Variants in POLR3B observed in about 807,000 individuals in gnomAD.
POLR3B encodes the protein DNA-directed RNA polymerase III subunit RPC2.
Under a neutral mutation model 147.4 loss-of-function variants are expected in POLR3B, and 96 were observed. That is an observed-to-expected ratio of 0.65 (90% CI 0.55 to 0.77). POLR3B has a LOEUF of 0.77. Among genes scored for constraint, POLR3B ranks in the 30% least tolerant of loss-of-function variants. The pLI, the probability that POLR3B is intolerant of heterozygous loss-of-function variation, is 0.00. For synonymous variants in POLR3B, 461 were observed against 485.9 expected (o/e 0.95, Z 0.67); for missense variants, 1,036 against 1,413.5 (o/e 0.73, Z 4.28).
intron 12 of POLR3B, among the ~76,000 whole-genome samples, chr12:106,416,576 C>T (rs1341292300): frequency 6.6e-6 from 1 of 152,176 alleles, no homozygotes; most frequent in Non-Finnish European, 1.5e-5. Context: ...CAGACCTGAG[C>T]TTCAGATGTA....
intron 9 of POLR3B, among the ~76,000 whole-genome samples, chr12:106,391,406 G>A (rs1593013919): frequency 6.6e-6 from 1 of 152,148 alleles, no homozygotes; most frequent in South Asian, 2.1e-4. Flanking sequence ...TGCACTTGGG[G>A]TGGGGAATTA....
chr12:106,498,386 T>A (rs2038533431), intron 25 of POLR3B, among the ~76,000 whole-genome samples: 1 of 152,150 alleles, frequency 6.6e-6, no homozygotes. Flanking sequence ...GAGAAACAGA[T>A]CTCTGCAATG....
At chr12:106,398,504 G>A (rs560488809) in intron 10 of POLR3B, among the ~76,000 whole-genome samples, 1 of 152,346 alleles carries the variant, frequency 6.6e-6, no homozygotes, top group South Asian at 2.1e-4. Context: ...CCAGCATGCA[G>A]CTTGAGATCT....
In POLR3B at chr12:106,504,295, C is replaced by T. The variant is rs1354965589; in HGVS notation, c.3272+41C>T. The T allele has an allele frequency of 6.6e-7, 1 of 1,524,504 alleles. No homozygotes were observed. The highest frequency in any genetic ancestry group is 1.7e-5 in the Admixed American group (1 of 59,900). The allele number at this position is 1,524,504 out of a possible 1,614,324, so 94.4% of individuals were successfully genotyped here. On this transcript the variant is annotated intron_variant, in intron 27 of 27. Transcript: ENST00000228347. This position sits in a 1 kb window ranked among gnomAD's most constrained non-coding sequence, Gnocchi z 4.6. ...ATGTCTCCCATACCACACCCCTTGC[C>T]TCTTAAATCACAGCTCAAGAATTGA...
chr12:106,461,250 CA>C (rs2037930268), intron 22 of POLR3B, among the ~76,000 whole-genome samples: 1 of 152,042 alleles, frequency 6.6e-6, no homozygotes, highest in Admixed American at 6.6e-5. Context: ...CACACCACCA[CA>C]CTCAGCTAAT....
intron 26 of POLR3B, among the ~76,000 whole-genome samples, chr12:106,503,309 C>T (rs1017957813): frequency 1.3e-5 from 2 of 152,162 alleles, no homozygotes; most frequent in Non-Finnish European, 2.9e-5. Flanking sequence ...CTGTGTTCAC[C>T]TTCTTAATTC....
At chr12:106,456,281 C>T (rs952262497) in intron 20 of POLR3B, among the ~76,000 whole-genome samples, 3 of 151,984 alleles carry the variant, frequency 2.0e-5, no homozygotes, top group African/African-American at 7.2e-5. Flanking sequence ...AGTTTTTTTG[C>T]CCCACCCAAA....
At chr12:106,366,869 C>A in intron 4 of POLR3B, 147 bp downstream of exon 4, 1 of 677,458 alleles carries the variant, frequency 1.5e-6, no homozygotes, top group Non-Finnish European at 2.6e-6. Context: ...TTTGGGAGGC[C>A]GAGGTGGGCA....
At chr12:106,465,876 G>GA (rs1333123544) in intron 23 of POLR3B, among the ~76,000 whole-genome samples, 4 of 152,116 alleles carry the variant, frequency 2.6e-5, no homozygotes, top group Non-Finnish European at 5.9e-5. Flanking sequence ...TGGACATTTG[G>GA]GTTGGTTCCA....
chr12:106,451,824 A>T (rs933970428), intron 19 of POLR3B, among the ~76,000 whole-genome samples: 1 of 152,062 alleles, frequency 6.6e-6, no homozygotes, highest in Non-Finnish European at 1.5e-5. Context: ...TTTAACTTAC[A>T]TTTGTTTACC....
chr12:106,427,183 T>G lies in POLR3B; in HGVS notation c.1102-14T>G. 14 of 1,447,566 alleles carry G rather than the reference T, an allele frequency of 9.7e-6. No individual in the cohort carries two copies. The highest frequency in any genetic ancestry group is 1.2e-5 in the Non-Finnish European group (13 of 1,063,134). 89.7% of individuals were successfully genotyped at this position (1,447,566 alleles called of 1,614,324 possible). A position where few individuals can be genotyped will look rare whatever the true frequency, so the allele number is the denominator to read the frequency against. On this transcript the variant is annotated splice_polypyrimidine_tract_variant and intron_variant, in intron 12 of 27. Coordinates refer to ENST00000228347, the MANE Select transcript of POLR3B (RefSeq NM_018082.6). ...TTTTGAAAAATCACCATATACCTTT[T>G]TTTTTTTTTTTAGCTTTTATCTCTT...
chr12:106,378,235 A>G, intron 7 of POLR3B, 32 bp from the exon 8 acceptor site: 1 of 1,305,600 alleles, frequency 7.7e-7, no homozygotes, highest in Non-Finnish European at 1.1e-6. Flanking sequence ...TGAGGAATAA[A>G]TGATGAAGTT....
At chr12:106,508,267 C>G (rs1014987913) in intron 27 of POLR3B, among the ~76,000 whole-genome samples, 1 of 152,182 alleles carries the variant, frequency 6.6e-6, no homozygotes, top group African/African-American at 2.4e-5. Flanking sequence ...TGTGCACATA[C>G]CTTTGCCACT....
intron 6 of POLR3B, among the ~76,000 whole-genome samples, chr12:106,372,221 C>T (rs1467392540): frequency 1.3e-5 from 2 of 151,662 alleles, no homozygotes; most frequent in Admixed American, 6.6e-5. Context: ...AAACAGTAAC[C>T]TCCCTCCTTC....
intron 10 of POLR3B, 50 bp downstream of exon 10, chr12:106,393,203 A>G (rs764432601): frequency 7.5e-5 from 120 of 1,609,962 alleles, no homozygotes; most frequent in Non-Finnish European, 9.9e-5. Context: ...TGGAGACTTA[A>G]TGCTGCTCAT....
intron 6 of POLR3B, among the ~76,000 whole-genome samples, chr12:106,373,843 G>T (rs2036641776): frequency 6.6e-6 from 1 of 152,102 alleles, no homozygotes; most frequent in Admixed American, 6.6e-5. Context: ...ATTGTCTTGA[G>T]AATGTAGTTT....
chr12:106,471,775 T>C (rs1218846769), intron 23 of POLR3B, among the ~76,000 whole-genome samples: 1 of 152,036 alleles, frequency 6.6e-6, no homozygotes, highest in Non-Finnish European at 1.5e-5. Flanking sequence ...GTGACGGAGG[T>C]AGATTCTCTA....
intron 23 of POLR3B, among the ~76,000 whole-genome samples, chr12:106,477,172 G>T (rs2038184585): frequency 7.6e-6 from 1 of 131,702 alleles, no homozygotes; most frequent in Non-Finnish European, 1.6e-5. Context: ...CTCCCAGTTA[G>T]GCTGCTCGGG....
intron 23 of POLR3B, among the ~76,000 whole-genome samples, chr12:106,475,215 A>C (rs1312284674): frequency 8.6e-6 from 1 of 116,634 alleles, no homozygotes; most frequent in Non-Finnish European, 1.7e-5. Context: ...GTTTGATTGC[A>C]CTGTGGTCTG....
Sources: allele counts gnomAD v4.1 joint callset (sites outside exome capture counted in the v4.1 genomes callset), GRCh38; gene constraint gnomAD v4.1.1; non-coding constraint Gnocchi (gnomAD v3.1); transcripts MANE v1.5; gene names NCBI Gene and HGNC (gene_info 2026-07-23, HGNC 2026-07-21).